Variants in ABCG8 observed in about 807,000 individuals in gnomAD.
ABCG8 encodes ATP binding cassette subfamily G member 8.
A neutral mutation model predicts 71.3 loss-of-function variants in ABCG8; 81 were observed. The observed-to-expected ratio is 1.14, with a 90% confidence interval of 0.95 to 1.37. The LOEUF (loss-of-function observed/expected upper bound fraction) is 1.37. ABCG8 is among the 40% of genes most tolerant of loss of function. ABCG8 has a pLI of 0.00. For synonymous variants in ABCG8, 451 were observed against 354.7 expected (o/e 1.27, Z -3.05); for missense variants, 1,119 against 866.2 (o/e 1.29, Z -3.66).
At chr2:43,875,807 C>T (rs769721436) in intron 11 of ABCG8, among the ~76,000 whole-genome samples, 5 of 152,300 alleles carry the variant, frequency 3.3e-5, no homozygotes, top group East Asian at 1.9e-4. Flanking sequence ...ACATCCCTCT[C>T]GACTCAGCCA....
chr2:43,850,087 G>A (rs930463461), intron 3 of ABCG8, among the ~76,000 whole-genome samples: 18 of 152,204 alleles, frequency 1.2e-4, no homozygotes, highest in East Asian at 3.9e-4. Context: ...TGGCAGGCAT[G>A]GTGGCAGGTG....
intron 8 of ABCG8, 113 bp from the exon 9 acceptor site, chr2:43,873,674 C>CATAGGAGAAATG: frequency 1.9e-6 from 2 of 1,055,088 alleles, no homozygotes; most frequent in South Asian, 2.6e-5. Context: ...GCAGGTATTA[C>CATAGGAGAAATG]CATCCCCATT....
At chr2:43,841,771 C>A (rs1341549541) in intron 1 of ABCG8, among the ~76,000 whole-genome samples, 1 of 152,178 alleles carries the variant, frequency 6.6e-6, no homozygotes. Flanking sequence ...CTCAAAGCAC[C>A]ACACAGTGGA....
intron 6 of ABCG8, among the ~76,000 whole-genome samples, chr2:43,853,974 T>G (rs1300348583): frequency 6.6e-6 from 1 of 152,190 alleles, no homozygotes; most frequent in Non-Finnish European, 1.5e-5. Flanking sequence ...GGTGGCAGCC[T>G]GGCTTCCTGA....
rs536782190 is a variant in ABCG8, at chr2:43,877,560, G to T, written c.1757-1G>T. The stretch of plus-strand genomic sequence containing the variant: ...TGAGTAACGCGGCTGTCTGTCTCCA[G>T]TGCCCGCGTGGATTTCCAAAGTGTC... On this transcript the variant is annotated splice_acceptor_variant, in intron 11 of 12. Transcript: ENST00000272286. LOFTEE classifies it high-confidence loss of function. 6.2e-7 allele frequency: 1 copy of T among 1,613,846 alleles called. No homozygotes were observed. The highest frequency in any genetic ancestry group is 8.5e-7 in the Non-Finnish European group (1 of 1,180,004).
chr2:43,852,581 CCT>C lies in ABCG8; in HGVS notation c.695-13_695-12del, dbSNP rs9282576. 2,485 of 1,614,118 alleles carry C rather than the reference CCT, an allele frequency of 1.5e-3. 37 individuals are homozygous for C. The African/African-American group carries it at 0.029, about 19-fold the overall frequency. ...CAGAGCCCCACCGACTCACCAGGCT[CCT>C]CTCTGTGTTGGAAAGGAATCCTTAT... On this transcript the variant is annotated splice_polypyrimidine_tract_variant and intron_variant, in intron 5 of 12. Transcript: ENST00000272286.
At position 43,879,508 on chromosome 2, in the gene ABCG8, G is replaced by C. The variant is rs963960841; in HGVS notation, c.*1595G>C. 10 of 152,138 alleles carry C rather than the reference G, an allele frequency of 6.6e-5. No individual in the cohort carries two copies. Among genetic ancestry groups the C allele is most frequent in the Non-Finnish European group, 1.2e-4 (8 of 68,038 alleles). The allele number at this position is 152,138 out of a possible 1,614,324, so 9.4% of individuals were successfully genotyped here. A position where few individuals can be genotyped will look rare whatever the true frequency, so the allele number is the denominator to read the frequency against. ...CCCCTGGTGATCTGTGCACATTCAA[G>C]CATGCTGCCGTTTTCCAAAGCACTT... is the stretch of plus-strand genomic sequence containing the variant. On this transcript the variant is annotated 3_prime_UTR_variant, in exon 13 of 13. Coordinates refer to ENST00000272286, the MANE Select transcript of ABCG8 (RefSeq NM_022437.3).
At chr2:43,874,088 A>G in intron 9 of ABCG8, 102 bp downstream of exon 9, 1 of 1,222,492 alleles carries the variant, frequency 8.2e-7, no homozygotes, top group Non-Finnish European at 1.2e-6. Flanking sequence ...TGTGATTGTG[A>G]TATATAAGAC....
At chr2:43,849,862 C>A (rs538162421) in intron 3 of ABCG8, among the ~76,000 whole-genome samples, 23 of 152,208 alleles carry the variant, frequency 1.5e-4, no homozygotes, top group Non-Finnish European at 2.8e-4. Flanking sequence ...TGCACAGTAA[C>A]CAGAAAGATC....
chr2:43,840,968 G>A (rs1473716104), intron 1 of ABCG8, among the ~76,000 whole-genome samples: 1 of 152,232 alleles, frequency 6.6e-6, no homozygotes, highest in Non-Finnish European at 1.5e-5. Flanking sequence ...AGAATATCTG[G>A]CATCTTGGGC....
In ABCG8 at chr2:43,881,592, C is replaced by G. The variant is rs977119379; in HGVS notation, c.*3679C>G. On this transcript the variant is annotated 3_prime_UTR_variant, in exon 13 of 13. Coordinates refer to ENST00000272286, the MANE Select transcript of ABCG8 (RefSeq NM_022437.3). The stretch of plus-strand genomic sequence containing the variant: ...GGCATGGTAGTGCGTGCCTGTAGTT[C>G]CAGCTACTTGGGAGGTTGAGGCAGG... 1 of 152,090 alleles carries G rather than the reference C, an allele frequency of 6.6e-6. No individual in the cohort carries two copies. The highest frequency in any genetic ancestry group is 1.5e-5 in the Non-Finnish European group (1 of 68,084). 9.4% of individuals were successfully genotyped at this position (152,090 alleles called of 1,614,324 possible). A position where few individuals can be genotyped will look rare whatever the true frequency, so the allele number is the denominator to read the frequency against.
chr2:43,868,365 A>G (rs1323563474), intron 6 of ABCG8, among the ~76,000 whole-genome samples: 5 of 151,262 alleles, frequency 3.3e-5, no homozygotes, highest in Non-Finnish European at 7.4e-5. Flanking sequence ...TAGAACTCTC[A>G]GTATCTGTAT....
At chr2:43,867,715 C>G (rs1410937718) in intron 6 of ABCG8, among the ~76,000 whole-genome samples, 2 of 149,466 alleles carry the variant, frequency 1.3e-5, no homozygotes, top group Middle Eastern at 3.7e-3. Context: ...GGATAGAACT[C>G]TCCGTATCAA....
intron 6 of ABCG8, among the ~76,000 whole-genome samples, chr2:43,856,488 G>T (rs1029688805): frequency 2.0e-5 from 3 of 151,604 alleles, no homozygotes; most frequent in African/African-American, 7.3e-5. Context: ...CTCACCATGT[G>T]TATAAAACTC....
At chr2:43,844,258 GT>G (rs1236103176) in intron 1 of ABCG8, among the ~76,000 whole-genome samples, 1 of 152,128 alleles carries the variant, frequency 6.6e-6, no homozygotes, top group Non-Finnish European at 1.5e-5. Flanking sequence ...TGAGGTTGAG[GT>G]TCTCTGGGAA....
At chr2:43,847,604 G>C (rs917796995) in intron 3 of ABCG8, 3 of 152,054 alleles carry the variant, frequency 2.0e-5, no homozygotes, top group Admixed American at 2.0e-4. Flanking sequence ...CTACTTGGGA[G>C]GTTGAGGCAG....
At chr2:43,857,283 T>A (rs1669145292) in intron 6 of ABCG8, among the ~76,000 whole-genome samples, 1 of 151,690 alleles carries the variant, frequency 6.6e-6, no homozygotes, top group South Asian at 2.1e-4. Flanking sequence ...TGGATAAAAT[T>A]CTCACCATCT....
intron 6 of ABCG8, among the ~76,000 whole-genome samples, chr2:43,865,546 G>T (rs777909172): frequency 1.1e-4 from 17 of 150,304 alleles, no homozygotes; most frequent in Non-Finnish European, 2.2e-4. Flanking sequence ...TATCTGGATA[G>T]AATTCTCACC....
rs1217434304 is a variant in ABCG8, at chr2:43,880,634, T to G, written c.*2721T>G. 1 of 151,032 alleles carries G rather than the reference T, an allele frequency of 6.6e-6. No homozygotes were observed. The highest frequency in any genetic ancestry group is 2.4e-5 in the African/African-American group (1 of 41,020). The allele number at this position is 151,032 out of a possible 1,614,324, so 9.4% of individuals were successfully genotyped here. On this transcript the variant is annotated 3_prime_UTR_variant, in exon 13 of 13. Coordinates refer to ENST00000272286, the MANE Select transcript of ABCG8 (RefSeq NM_022437.3). ...CATCTCTGCTCCCAGGCTCTCTCAG[T>G]GAACAGAGTTAGGGAGTGTGTGTGT...
Sources: gnomAD v4.1 joint callset for allele counts (sites outside exome capture counted in the v4.1 genomes callset) on GRCh38, gnomAD v4.1.1 for gene constraint, MANE v1.5 for transcripts, NCBI Gene and HGNC (gene_info 2026-07-23, HGNC 2026-07-21) for gene names.